Variants in PALS2 observed in about 807,000 individuals in gnomAD.
PALS2 encodes the protein protein associated with LIN7 2, MAGUK p55 family member.
In PALS2, 27 loss-of-function variants were observed where a neutral mutation model predicts 61.6. The observed-to-expected ratio is 0.44, with a 90% confidence interval of 0.32 to 0.60. The LOEUF (loss-of-function observed/expected upper bound fraction) is 0.60, where lower values mean the gene tolerates loss of function less well. PALS2 is among the 20% of genes least tolerant of loss of function. The pLI is 0.05. For missense variants in PALS2, 554 were observed against 639.4 expected, an observed-to-expected ratio of 0.87 and a Z score of 1.44; for synonymous variants, 236 against 218.6, an observed-to-expected ratio of 1.08 and a Z score of -0.70.
At chr7:24,654,069 G>T (rs558747204) in intron 5 of PALS2, among the ~76,000 whole-genome samples, 27 of 152,166 alleles carry the variant, frequency 1.8e-4, no homozygotes, top group Admixed American at 3.9e-4. Flanking sequence ...TAAAATTTTT[G>T]TTTTATATAT....
intron 2 of PALS2, among the ~76,000 whole-genome samples, chr7:24,631,740 G>T (rs1785005514): frequency 6.6e-6 from 1 of 152,192 alleles, no homozygotes; most frequent in Non-Finnish European, 1.5e-5. Context: ...GCCTTGATCA[G>T]TCAGCAGCCA....
intron 2 of PALS2, among the ~76,000 whole-genome samples, chr7:24,625,414 A>G (rs879640546): frequency 1.3e-5 from 2 of 152,206 alleles, no homozygotes; most frequent in Admixed American, 1.3e-4. Flanking sequence ...TCTTCACAAC[A>G]ACTTTATGAA....
Position 24,641,809 on chromosome 7 carries a change from A to G in PALS2, c.211A>G (p.Ile71Val). 1.2e-6 allele frequency: 2 copies of G among 1,613,184 alleles called. No homozygotes were observed. The highest frequency in any genetic ancestry group is 8.5e-7 in the Non-Finnish European group (1 of 1,179,576). Residue 71 changes from isoleucine to valine, a missense_variant, in exon 3 of 12, where the codon ATA (isoleucine) becomes GTA (valine). By Grantham distance (29) the Ile-to-Val change is conservative (BLOSUM62 3). Coordinates refer to ENST00000222644, the MANE Select transcript of PALS2 (RefSeq NM_001303037.2). ...NEILEDITPL[I>V]NVDENVAELV... ...AATTCTTGAAGACATCACTCCTCTA[A>G]TAAATGTGGATGAAAATGTGGCAGA...
intron 8 of PALS2, chr7:24,666,777 G>A (rs1787040823): frequency 6.6e-6 from 1 of 151,982 alleles, no homozygotes; most frequent in South Asian, 2.1e-4. Flanking sequence ...TAAGACCCCA[G>A]ACCTGGATTG....
chr7:24,574,565 C>T (rs1434138654), intron 1 of PALS2, among the ~76,000 whole-genome samples: 5 of 151,954 alleles, frequency 3.3e-5, no homozygotes, highest in East Asian at 1.9e-4. Flanking sequence ...TGAAGACTGC[C>T]GGGGAAGCTC....
intron 5 of PALS2, among the ~76,000 whole-genome samples, chr7:24,653,269 A>G (rs1250608134): frequency 6.6e-6 from 1 of 152,188 alleles, no homozygotes; most frequent in Non-Finnish European, 1.5e-5. Context: ...ATCCATATGT[A>G]TGTAACTAAG....
intron 9 of PALS2, chr7:24,674,323 C>G (rs1289304874): frequency 6.5e-6 from 1 of 153,258 alleles, no homozygotes; most frequent in Non-Finnish European, 1.5e-5. Flanking sequence ...GCTGCTTACT[C>G]TTACTCATTT....
intron 1 of PALS2, among the ~76,000 whole-genome samples, chr7:24,586,977 G>GC (rs1783089548): frequency 1.7e-5 from 2 of 116,950 alleles, no homozygotes; most frequent in African/African-American, 2.7e-5. Context: ...CGCCCGCCCT[G>GC]CCCCCCAAAT....
rs1788306232 is a variant in PALS2 at position 24,688,284 on chromosome 7, ACT to A, written c.*675_*676del. 6.6e-6 allele frequency: 1 copy of A among 152,082 alleles called. No homozygotes were observed. Among genetic ancestry groups the A allele is most frequent in the Admixed American group, 6.5e-5 (1 of 15,274 alleles). The allele number at this position is 152,082 out of a possible 1,614,324, so 9.4% of individuals were successfully genotyped here. A position where few individuals can be genotyped will look rare whatever the true frequency, so the allele number is the denominator to read the frequency against. On this transcript the variant is annotated 3_prime_UTR_variant, in exon 12 of 12. Transcript: ENST00000222644. Reference sequence around the variant, plus strand: ...GAAAAATTGAAGAGCAATACCTTGCACTCTCTTTTGAGGTTATTCTTTTTATT... The same window carrying A: ...GAAAAATTGAAGAGCAATACCTTGCACTCTTTTGAGGTTATTCTTTTTATT...
chr7:24,635,743 C>A (rs534257798), intron 2 of PALS2, among the ~76,000 whole-genome samples: 1 of 152,212 alleles, frequency 6.6e-6, no homozygotes, highest in South Asian at 2.1e-4. Context: ...TGTGTCACAA[C>A]TTTATTCTTT....
intron 1 of PALS2, among the ~76,000 whole-genome samples, chr7:24,603,528 A>AT (rs1335601972): frequency 6.6e-6 from 1 of 152,230 alleles, no homozygotes; most frequent in African/African-American, 2.4e-5. Context: ...GTGAAAGCTG[A>AT]TGGGGACTTG....
At position 24,619,562 on chromosome 7, in the gene PALS2, C is replaced by G. The variant is rs535139152; in HGVS notation, c.-2-4104C>G. ...GAAACCCCGTCTCTACTAAAAAATA[C>G]AAAAAATTAGCTGGCCGTGGTGGTG... On this transcript the variant is annotated intron_variant, in intron 1 of 11. Transcript: ENST00000222644. Among the ~76,000 whole-genome samples the G allele has an allele frequency of 2.3e-3, 349 of 151,808 alleles. 1 individual carries two copies. Among genetic ancestry groups the G allele is most frequent in the African/African-American group, 7.9e-3 (329 of 41,406 alleles).
chr7:24,595,513 T>TA, intron 1 of PALS2, among the ~76,000 whole-genome samples: 1 of 90,088 alleles, frequency 1.1e-5, no homozygotes, highest in South Asian at 3.4e-4. Flanking sequence ...ATATATAATA[T>TA]ATAATATATA....
chr7:24,584,541 C>G (rs2128040798), intron 1 of PALS2, among the ~76,000 whole-genome samples: 2 of 148,822 alleles, frequency 1.3e-5, no homozygotes, highest in South Asian at 4.3e-4. Context: ...TGTTTGAGTT[C>G]ATTGTAGATT....
intron 7 of PALS2, 119 bp from the exon 8 acceptor site, chr7:24,665,902 T>C (rs576126358): frequency 1.7e-4 from 180 of 1,085,406 alleles, no homozygotes; most frequent in Non-Finnish European, 2.3e-4. Context: ...TCCACCCTCT[T>C]TTGCTTCCTA....
At chr7:24,663,540 A>G in intron 5 of PALS2, 50 bp from the exon 6 acceptor site, 1 of 1,479,818 alleles carries the variant, frequency 6.8e-7, no homozygotes, top group Admixed American at 2.2e-5. Context: ...TTTTAAATTC[A>G]GTGGCAAGTG....
intron 9 of PALS2, among the ~76,000 whole-genome samples, chr7:24,673,824 G>T: frequency 6.6e-6 from 1 of 151,216 alleles, no homozygotes; most frequent in African/African-American, 2.4e-5. Context: ...CTTGTACTTT[G>T]GGTTTATTTT....
At chr7:24,593,838 A>T (rs1297005678) in intron 1 of PALS2, among the ~76,000 whole-genome samples, 1 of 152,000 alleles carries the variant, frequency 6.6e-6, no homozygotes, top group East Asian at 1.9e-4. Context: ...ATGGGACAGG[A>T]TTTTTCAGAA....
intron 1 of PALS2, among the ~76,000 whole-genome samples, chr7:24,603,020 A>G (rs1201751096): frequency 6.6e-6 from 1 of 152,182 alleles, no homozygotes; most frequent in Non-Finnish European, 1.5e-5. Context: ...CTGTGAGTCA[A>G]TTAAACCTCT....
Sources: gnomAD v4.1 joint callset for allele counts (sites outside exome capture counted in the v4.1 genomes callset) on GRCh38, gnomAD v4.1.1 for gene constraint, MANE v1.5 for transcripts, NCBI Gene and HGNC (gene_info 2026-07-23, HGNC 2026-07-21) for gene names.